GABRB2: variants seen among roughly 807,000 people sequenced by gnomAD.
GABRB2 encodes the protein gamma-aminobutyric acid type A receptor subunit beta2.
GABRB2 carries 16 observed loss-of-function variants against 54.7 expected under a neutral mutation model. That is an observed-to-expected ratio of 0.29 (90% confidence interval 0.20 to 0.44). The LOEUF is 0.44. Among genes scored for constraint, GABRB2 ranks in the 20% least tolerant of loss-of-function variants. GABRB2 has a pLI of 1.00. For missense variants in GABRB2, 355 were observed against 644.0 expected, an observed-to-expected ratio of 0.55 and a Z score of 4.86; for synonymous variants, 244 against 233.8, an observed-to-expected ratio of 1.04 and a Z score of -0.40.
chr5:161,348,471 G>A (rs895842248), intron 5 of GABRB2, among the ~76,000 whole-genome samples: 1 of 151,860 alleles, frequency 6.6e-6, no homozygotes, highest in East Asian at 1.9e-4. Context: ...TTAGCTCCTG[G>A]AAAACATGAC....
At chr5:161,418,647 G>A (rs1425561844) in intron 4 of GABRB2, among the ~76,000 whole-genome samples, 1 of 152,040 alleles carries the variant, frequency 6.6e-6, no homozygotes, top group Non-Finnish European at 1.5e-5. Context: ...AGACAAATGG[G>A]ATTTAATTAA....
chr5:161,294,989 T>C (rs1296948208), intron 9 of GABRB2, among the ~76,000 whole-genome samples: 1 of 152,194 alleles, frequency 6.6e-6, no homozygotes, highest in East Asian at 1.9e-4. Context: ...TTATGAGATG[T>C]CACCTTAAAT....
At chr5:161,444,636 G>T (rs1456676364) in intron 4 of GABRB2, among the ~76,000 whole-genome samples, 2 of 151,964 alleles carry the variant, frequency 1.3e-5, no homozygotes, top group South Asian at 2.1e-4. Flanking sequence ...CATGACAATT[G>T]CTGATCTTAT....
chr5:161,435,804 G>A (rs1199690859), intron 4 of GABRB2, among the ~76,000 whole-genome samples: 1 of 152,162 alleles, frequency 6.6e-6, no homozygotes, highest in African/African-American at 2.4e-5. Flanking sequence ...AGTAGACGTG[G>A]AACAGTAATA....
chr5:161,492,859 T>G (rs1759123586), intron 3 of GABRB2, among the ~76,000 whole-genome samples: 1 of 151,770 alleles, frequency 6.6e-6, no homozygotes, highest in Non-Finnish European at 1.5e-5. Context: ...TGAGTTTACT[T>G]TACTCTTTTT....
chr5:161,322,582 T>C (rs1160418898), intron 9 of GABRB2, among the ~76,000 whole-genome samples: 1 of 152,188 alleles, frequency 6.6e-6, no homozygotes, highest in Non-Finnish European at 1.5e-5. Context: ...GATTCTGACA[T>C]TAGACTTAAA....
chr5:161,349,181 T>A (rs1754397997), intron 5 of GABRB2, among the ~76,000 whole-genome samples: 1 of 152,080 alleles, frequency 6.6e-6, no homozygotes, highest in South Asian at 2.1e-4. Context: ...CCAATATTTA[T>A]GCAAATCTGT....
chr5:161,338,234 A>T (rs936938409), intron 5 of GABRB2, among the ~76,000 whole-genome samples: 2 of 152,226 alleles, frequency 1.3e-5, no homozygotes, highest in Non-Finnish European at 2.9e-5. Flanking sequence ...TCATAAGAGT[A>T]GCCATCTTTA....
At chr5:161,327,578 A>G (rs193031183) in intron 8 of GABRB2, among the ~76,000 whole-genome samples, 165 of 152,228 alleles carry the variant, frequency 1.1e-3, no homozygotes, top group African/African-American at 3.8e-3. Context: ...CACTTATTAA[A>G]ACAAACATTT....
Position 161,546,659 on chromosome 5 carries a change from T to C in GABRB2, c.-16A>G, listed in dbSNP as rs1313077210. On this transcript the variant is annotated 5_prime_UTR_variant, in exon 1 of 10. Transcript: ENST00000393959. The stretch of plus-strand genomic sequence containing the variant: ...CTCTCCACATCCCTTTAGTTTTTGA[T>C]GGAATTGAGGGTTTCACTGAAGAGA... The C allele has an allele frequency of 5.7e-6, 9 of 1,580,584 alleles. No homozygotes were observed. Among genetic ancestry groups the C allele is most frequent in the Non-Finnish European group, 7.7e-6 (9 of 1,161,660 alleles).
At chr5:161,415,765 A>G (rs1756645480) in intron 4 of GABRB2, among the ~76,000 whole-genome samples, 1 of 151,946 alleles carries the variant, frequency 6.6e-6, no homozygotes, top group Non-Finnish European at 1.5e-5. Context: ...GGCAACTGCC[A>G]CCACACCCAG....
At chr5:161,425,845 G>GT (rs934281689) in intron 4 of GABRB2, among the ~76,000 whole-genome samples, 2 of 151,934 alleles carry the variant, frequency 1.3e-5, no homozygotes, top group South Asian at 2.1e-4. Flanking sequence ...ATTGTCTTTT[G>GT]TTTTTTCAAA....
In GABRB2 at chr5:161,341,500, C is replaced by G. The variant is rs539204849; in HGVS notation, c.542-4731G>C. ...GAGGGCCTATAAATAAACTAAAATA[C>G]AAATTCACTGGCATTCACCTGAAGA... On this transcript the variant is annotated intron_variant, in intron 5 of 9. Transcript: ENST00000393959. Among the ~76,000 whole-genome samples the G allele has an allele frequency of 9.2e-5, 14 of 151,784 alleles. No homozygotes were observed. The South Asian group carries it at 2.9e-3, about 32-fold the overall frequency.
At chr5:161,423,783 A>T (rs1014577483) in intron 4 of GABRB2, among the ~76,000 whole-genome samples, 10 of 152,146 alleles carry the variant, frequency 6.6e-5, no homozygotes, top group African/African-American at 2.4e-4. Context: ...GATTACTCTT[A>T]GTAAGAAAGG....
intron 3 of GABRB2, among the ~76,000 whole-genome samples, chr5:161,523,679 T>A (rs1403531383): frequency 1.3e-5 from 2 of 151,628 alleles, no homozygotes; most frequent in Non-Finnish European, 3.0e-5. Flanking sequence ...TGGAAATGAA[T>A]GTTGTCTGCA....
At chr5:161,468,000 T>C (rs1383705517) in intron 3 of GABRB2, among the ~76,000 whole-genome samples, 1 of 152,098 alleles carries the variant, frequency 6.6e-6, no homozygotes, top group Admixed American at 6.6e-5. Context: ...GGAATATTTA[T>C]AGAAAATAAT....
At chr5:161,462,828 A>C (rs1203927859) in intron 3 of GABRB2, among the ~76,000 whole-genome samples, 1 of 152,052 alleles carries the variant, frequency 6.6e-6, no homozygotes, top group Non-Finnish European at 1.5e-5. Flanking sequence ...CCTGATTCGA[A>C]CTCAATGTTA....
intron 4 of GABRB2, among the ~76,000 whole-genome samples, chr5:161,417,318 A>T (rs1007016932): frequency 2.6e-5 from 4 of 152,220 alleles, no homozygotes; most frequent in Non-Finnish European, 2.9e-5. Context: ...AGTGTCACTG[A>T]CATATATAAT....
At position 161,313,324 on chromosome 5, in the gene GABRB2, G is replaced by GAC. The variant is rs571271656; in HGVS notation, c.1191+13042_1191+13043dup. ...GTTAAATTACTGTAATTCTATGGTA[G>GAC]ACACATACATTCTGGTTGGACTGAG... On this transcript the variant is annotated intron_variant, in intron 9 of 9. Coordinates refer to ENST00000393959, the MANE Select transcript of GABRB2 (RefSeq NM_001371727.1). Among the ~76,000 whole-genome samples the GAC allele has an allele frequency of 6.6e-5, 10 of 152,004 alleles. No individual in the cohort carries two copies. The South Asian group carries it at 2.1e-3, about 32-fold the overall frequency.
Sources: allele counts gnomAD v4.1 joint callset (sites outside exome capture counted in the v4.1 genomes callset), GRCh38; gene constraint gnomAD v4.1.1; transcripts MANE v1.5; gene names NCBI Gene and HGNC (gene_info 2026-07-23, HGNC 2026-07-21).